The following FAM13B variants were observed in gnomAD, a reference collection of about 807,000 sequenced individuals.
FAM13B encodes the protein family with sequence similarity 13 member B, also known as protein FAM13B.
A neutral mutation model predicts 117.3 loss-of-function variants in FAM13B; 60 were observed. The observed-to-expected ratio is 0.51, with a 90% confidence interval of 0.42 to 0.63. The LOEUF is 0.63. Ranked by LOEUF, FAM13B falls within the 30% of genes least tolerant of loss-of-function variation. FAM13B has a pLI of 0.00. For missense variants in FAM13B, 972 were observed against 1,091.9 expected (o/e 0.89, Z 1.55); for synonymous variants, 332 against 356.1 (o/e 0.93, Z 0.76).
At chr5:137,941,166 C>T (rs1761667171) in intron 23 of FAM13B, among the ~76,000 whole-genome samples, 2 of 152,114 alleles carry the variant, frequency 1.3e-5, no homozygotes, top group Admixed American at 1.3e-4. Context: ...CCTCAGCCTC[C>T]CAAAGTGCTG....
chr5:137,959,479 C>T, intron 13 of FAM13B, 137 bp downstream of exon 13: 1 of 883,214 alleles, frequency 1.1e-6, no homozygotes, highest in Non-Finnish European at 1.7e-6. Flanking sequence ...CCCACTTGTT[C>T]ATCTTACATG....
At chr5:138,037,042 T>C (rs1410724066), upstream of FAM13B, 2 of 162,368 alleles carry the variant, frequency 1.2e-5, no homozygotes, top group African/African-American at 4.9e-5. Context: ...AGAGAATACC[T>C]CACTAAAAGA....
chr5:138,004,462 C>T (rs1418540864), intron 7 of FAM13B, among the ~76,000 whole-genome samples: 2 of 152,120 alleles, frequency 1.3e-5, no homozygotes, highest in African/African-American at 4.8e-5. Context: ...CAGCACTGTC[C>T]AAAAGAAATT....
intron 7 of FAM13B, among the ~76,000 whole-genome samples, chr5:137,991,116 A>G (rs1228959678): frequency 6.6e-6 from 1 of 152,194 alleles, no homozygotes; most frequent in Non-Finnish European, 1.5e-5. Flanking sequence ...AAACTTCTCA[A>G]AAATACAGAA....
rs1761709802 is a variant in FAM13B, at chr5:137,941,238, C to A, written c.2690+706G>T. On this transcript the variant is annotated intron_variant, in intron 23 of 23. Coordinates refer to ENST00000689681, the MANE Select transcript of FAM13B (RefSeq NM_001385994.1). ...CAGATTTTTTTTTAACCATATGTGC[C>A]AACCTATATAGGAGACTCACAAAGC... is the stretch of plus-strand genomic sequence containing the variant. 2.6e-5 allele frequency among the ~76,000 whole-genome samples: 4 copies of A among 151,968 alleles called. No individual in the cohort carries two copies. In the South Asian group the frequency reaches 8.3e-4, roughly 32 times the overall value.
intron 1 of FAM13B, among the ~76,000 whole-genome samples, chr5:138,043,815 A>G (rs1196019599): frequency 6.6e-6 from 1 of 151,848 alleles, no homozygotes; most frequent in Non-Finnish European, 1.5e-5. Context: ...GGCTCAAGCA[A>G]TCCTTTTGCC....
At chr5:137,945,673 C>CT (rs1763220097) in intron 20 of FAM13B, among the ~76,000 whole-genome samples, 1 of 152,210 alleles carries the variant, frequency 6.6e-6, no homozygotes, top group African/African-American at 2.4e-5. Flanking sequence ...TGTGATTTTA[C>CT]TTGTCAGGAT....
chr5:137,988,821 G>A (rs1019196776), intron 7 of FAM13B, among the ~76,000 whole-genome samples: 2 of 152,180 alleles, frequency 1.3e-5, no homozygotes, highest in African/African-American at 4.8e-5. Flanking sequence ...TCTCACAGAT[G>A]ATGAACCTAA....
intron 10 of FAM13B, among the ~76,000 whole-genome samples, chr5:137,979,013 CTTTT>C (rs1255405160): frequency 2.2e-5 from 3 of 138,338 alleles, no homozygotes; most frequent in Admixed American, 7.3e-5. Context: ...ACAGTTCAGA[CTTTT>C]TTTTTTTTTT....
chr5:137,941,230 A>G (rs913779510), intron 23 of FAM13B, among the ~76,000 whole-genome samples: 3 of 151,942 alleles, frequency 2.0e-5, no homozygotes, highest in African/African-American at 4.8e-5. Flanking sequence ...TTTTTTAACC[A>G]TATGTGCCAA....
intron 1 of FAM13B, among the ~76,000 whole-genome samples, chr5:138,045,756 T>G (rs535059297): frequency 6.6e-6 from 1 of 151,824 alleles, no homozygotes. Flanking sequence ...CCCAGCACTT[T>G]GGGAGGCTGA....
At chr5:137,986,431 C>CCT (rs1021706862) in intron 9 of FAM13B, among the ~76,000 whole-genome samples, 2 of 54,230 alleles carry the variant, frequency 3.7e-5, no homozygotes, top group African/African-American at 4.6e-5. Flanking sequence ...CATCTTCCCC[C>CCT]CCCCAAAAAA....
intron 23 of FAM13B, among the ~76,000 whole-genome samples, chr5:137,940,777 T>G (rs1022495775): frequency 6.6e-6 from 1 of 152,222 alleles, no homozygotes; most frequent in Non-Finnish European, 1.5e-5. Flanking sequence ...TCTAACTTTA[T>G]AGTAATGACC....
chr5:137,990,561 G>C (rs1462091091), intron 7 of FAM13B, among the ~76,000 whole-genome samples: 1 of 152,026 alleles, frequency 6.6e-6, no homozygotes, highest in African/African-American at 2.4e-5. Context: ...TGTCAGATTA[G>C]ATTATCAATA....
intron 1 of FAM13B, among the ~76,000 whole-genome samples, chr5:138,048,967 G>C (rs1298109303): frequency 7.5e-6 from 1 of 132,744 alleles, no homozygotes; most frequent in Non-Finnish European, 1.6e-5. Context: ...TTTTTAAGGC[G>C]AAGTCACTCC....
chr5:137,997,731 C>T (rs1274217764), intron 7 of FAM13B, among the ~76,000 whole-genome samples: 2 of 152,074 alleles, frequency 1.3e-5, no homozygotes, highest in African/African-American at 2.4e-5. Flanking sequence ...CATGAACAGA[C>T]CAATCAATAC....
intron 23 of FAM13B, 121 bp from the exon 24 acceptor site, chr5:137,940,469 T>TAA (rs3214311): frequency 2.6e-4 from 137 of 530,308 alleles, no homozygotes; most frequent in South Asian, 5.1e-4. Context: ...GTTGTTCTGT[T>TAA]AAAAAAAAAA....
At chr5:137,972,873 A>C (rs1466548362) in intron 10 of FAM13B, among the ~76,000 whole-genome samples, 3 of 152,022 alleles carry the variant, frequency 2.0e-5, no homozygotes, top group Non-Finnish European at 4.4e-5. Context: ...TTCAAAGAGA[A>C]TAAAATACCT....
chr5:138,034,995 C>CTTTTTTTTTTGTT (rs1790977858), upstream of FAM13B, among the ~76,000 whole-genome samples: 2 of 34,364 alleles, frequency 5.8e-5, no homozygotes, highest in East Asian at 1.4e-3. Context: ...ATTCCCTTGC[C>CTTTTTTTTTTGTT]TTTTTTTTTT....
Sources: allele counts gnomAD v4.1 joint callset (sites outside exome capture counted in the v4.1 genomes callset), GRCh38; gene constraint gnomAD v4.1.1; transcripts MANE v1.5; gene names NCBI Gene and HGNC (gene_info 2026-07-23, HGNC 2026-07-21).